The following CCDC7 variants were observed in gnomAD, a reference collection of about 807,000 sequenced individuals.
The protein encoded by CCDC7 is coiled-coil domain-containing protein 7.
A neutral mutation model predicts 196.9 loss-of-function variants in CCDC7; 183 were observed. The ratio of observed to expected loss-of-function variants is 0.93; its 90% CI spans 0.82 to 1.05. CCDC7 has a LOEUF of 1.05. CCDC7 is among the 50% of genes least tolerant of loss of function. The probability of loss-of-function intolerance (pLI) is 0.00; values close to 1 mark genes in which losing one functional copy is unlikely to be tolerated. For missense variants in CCDC7, 1,540 were observed against 1,482.2 expected, an observed-to-expected ratio of 1.04 and a Z score of -0.64; for synonymous variants, 525 against 484.6, an observed-to-expected ratio of 1.08 and a Z score of -1.10.
intron 23 of CCDC7, among the ~76,000 whole-genome samples, chr10:32,690,935 G>A (rs775460331): frequency 1.6e-4 from 25 of 152,180 alleles, no homozygotes; most frequent in Non-Finnish European, 2.9e-4. Context: ...CATTTTGGTG[G>A]TGTCCTCAGA....
At chr10:32,599,414 T>G (rs2060761755) in intron 18 of CCDC7, among the ~76,000 whole-genome samples, 1 of 152,206 alleles carries the variant, frequency 6.6e-6, no homozygotes, top group Non-Finnish European at 1.5e-5. Context: ...CACTTATACT[T>G]AATATAATTA....
chr10:32,475,975 T>G (rs1309305131), intron 8 of CCDC7, among the ~76,000 whole-genome samples: 1 of 152,064 alleles, frequency 6.6e-6, no homozygotes, highest in Non-Finnish European at 1.5e-5. Flanking sequence ...AGTCCCCCCA[T>G]TCCCGCATAA....
chr10:32,521,620 T>C (rs1411590551), intron 11 of CCDC7, among the ~76,000 whole-genome samples: 3 of 151,570 alleles, frequency 2.0e-5, no homozygotes, highest in Non-Finnish European at 4.4e-5. Flanking sequence ...TTTCCAAATA[T>C]AAGATCATAC....
At chr10:32,633,947 C>A (rs192054636) in intron 18 of CCDC7, among the ~76,000 whole-genome samples, 1 of 151,562 alleles carries the variant, frequency 6.6e-6, no homozygotes, top group Admixed American at 6.6e-5. Flanking sequence ...CTGTCTATTT[C>A]AATATTTTTC....
intron 41 of CCDC7, among the ~76,000 whole-genome samples, chr10:32,875,698 A>G (rs1463357154): frequency 6.6e-6 from 1 of 152,048 alleles, no homozygotes; most frequent in Admixed American, 6.6e-5. Flanking sequence ...ATGTTGCAAC[A>G]AAGATTATTG....
intron 9 of CCDC7, among the ~76,000 whole-genome samples, chr10:32,515,924 A>C (rs2046958622): frequency 6.6e-6 from 1 of 152,214 alleles, no homozygotes. Flanking sequence ...ATTTTAGAAG[A>C]AGCATAGGAG....
At chr10:32,808,981 C>T (rs1354096836) in intron 30 of CCDC7, among the ~76,000 whole-genome samples, 3 of 152,138 alleles carry the variant, frequency 2.0e-5, no homozygotes, top group African/African-American at 7.2e-5. Flanking sequence ...TTGAGGCCAG[C>T]CTTGGTTCAA....
chr10:32,545,872 C>A (rs1001869568), intron 13 of CCDC7, among the ~76,000 whole-genome samples: 1 of 137,388 alleles, frequency 7.3e-6, no homozygotes, highest in Non-Finnish European at 1.5e-5. Flanking sequence ...CACCACTGCA[C>A]GCCAGCCTGG....
At chr10:32,595,208 T>G (rs1374658302) in intron 18 of CCDC7, among the ~76,000 whole-genome samples, 8 of 152,216 alleles carry the variant, frequency 5.3e-5, no homozygotes, top group Non-Finnish European at 1.5e-5. Flanking sequence ...AGGTATTAAT[T>G]ATTGCCTCAA....
intron 18 of CCDC7, among the ~76,000 whole-genome samples, chr10:32,594,797 G>T (rs1005007549): frequency 6.6e-6 from 1 of 152,074 alleles, no homozygotes; most frequent in Non-Finnish European, 1.5e-5. Context: ...TTCTGCATCT[G>T]TTGAGATAAT....
chr10:32,491,972 GA>G lies in CCDC7; in HGVS notation c.851del (p.Asn284ThrfsTer10). On this transcript the variant is annotated frameshift_variant, in exon 9 of 42. Coordinates refer to ENST00000639629, the Ensembl canonical transcript of CCDC7. LOFTEE classifies it high-confidence loss of function. ...ATTTAATGCCATGTTGAAAGTATTT[GA>G]AAACCAGGCAAATATGTTGGAGAGG... The G allele has an allele frequency of 6.3e-7, 1 of 1,579,132 alleles. No individual in the cohort carries two copies. The highest frequency in any genetic ancestry group is 8.6e-7 in the Non-Finnish European group (1 of 1,166,352).
chr10:32,571,860 T>C, exon 16 of CCDC7: 1 of 1,568,172 alleles, frequency 6.4e-7, no homozygotes, highest in South Asian at 1.2e-5. Flanking sequence ...TTATCACAGA[T>C]CACTGCCCAA....
intron 18 of CCDC7, among the ~76,000 whole-genome samples, chr10:32,599,604 A>C (rs1347458153): frequency 6.6e-6 from 1 of 151,836 alleles, no homozygotes; most frequent in Non-Finnish European, 1.5e-5. Flanking sequence ...TTTTGTGGTT[A>C]ATATGGGGAT....
intron 18 of CCDC7, among the ~76,000 whole-genome samples, chr10:32,625,509 T>C (rs2063924446): frequency 6.6e-6 from 1 of 152,040 alleles, no homozygotes; most frequent in Non-Finnish European, 1.5e-5. Context: ...TAAAGCAATG[T>C]TATGATTTAC....
intron 24 of CCDC7, among the ~76,000 whole-genome samples, chr10:32,709,101 G>A (rs1455754959): frequency 1.3e-5 from 2 of 152,140 alleles, no homozygotes; most frequent in Non-Finnish European, 2.9e-5. Context: ...ACTGGATTAA[G>A]AAAATGTGGC....
At position 32,638,670 on chromosome 10, in the gene CCDC7, A is replaced by G. The variant is rs1374990179; in HGVS notation, c.2014+3512A>G. On this transcript the variant is annotated intron_variant, in intron 20 of 41. Coordinates refer to ENST00000639629, the Ensembl canonical transcript of CCDC7. ...AGGATTTTTGCATTGATGTTCATCA[A>G]GGATATTGGTCTAAAATTCTCTTTT... Among the ~76,000 whole-genome samples the G allele has an allele frequency of 2.6e-5, 4 of 152,178 alleles. No homozygotes were observed. The East Asian group carries it at 5.8e-4, about 22-fold the overall frequency.
rs1479931280 is a variant in CCDC7, at chr10:32,726,665, G to A, written c.2570-69G>A. 3 of 847,016 alleles carry A rather than the reference G, an allele frequency of 3.5e-6. No individual in the cohort carries two copies. The African/African-American group carries it at 5.2e-5, about 15-fold the overall frequency. 52.5% of individuals were successfully genotyped at this position (847,016 alleles called of 1,614,324 possible). A position where few individuals can be genotyped will look rare whatever the true frequency, so the allele number is the denominator to read the frequency against. On this transcript the variant is annotated intron_variant, in intron 25 of 41. Coordinates refer to ENST00000639629, the Ensembl canonical transcript of CCDC7. ...ACTTGTTATAAACTTCAAATATAGA[G>A]ATTTCACAATAGATTTGTTTTTTCA...
At chr10:32,802,025 A>C (rs1311631766) in intron 29 of CCDC7, among the ~76,000 whole-genome samples, 1 of 152,174 alleles carries the variant, frequency 6.6e-6, no homozygotes, top group Non-Finnish European at 1.5e-5. Flanking sequence ...GAGGTTGTGC[A>C]TGCATCTTTT....
At chr10:32,634,079 AC>A (rs1381799996) in intron 18 of CCDC7, among the ~76,000 whole-genome samples, 174 bp from the exon 20 acceptor site, 1 of 152,102 alleles carries the variant, frequency 6.6e-6, no homozygotes, top group Non-Finnish European at 1.5e-5. Context: ...AGCAACATAC[AC>A]CTATTAAAAC....
Sources: allele counts gnomAD v4.1 joint callset (sites outside exome capture counted in the v4.1 genomes callset), GRCh38; gene constraint gnomAD v4.1.1; transcripts MANE v1.5; gene names NCBI Gene and HGNC (gene_info 2026-07-23, HGNC 2026-07-21).